Variants in CTIF observed in about 807,000 individuals in gnomAD.
CTIF encodes CBP80/20-dependent translation initiation factor.
CTIF carries 21 observed loss-of-function variants against 66.0 expected under a neutral mutation model. The ratio of observed to expected loss-of-function variants is 0.32; its 90% CI spans 0.23 to 0.46. The LOEUF is 0.46. Ranked by LOEUF, CTIF falls within the 20% of genes least tolerant of loss-of-function variation. The pLI is 1.00. For synonymous variants in CTIF, 345 were observed against 326.4 expected (o/e 1.06, Z -0.62); for missense variants, 739 against 812.7 (o/e 0.91, Z 1.10).
At chr18:48,718,487 A>T (rs1045574550) in intron 7 of CTIF, among the ~76,000 whole-genome samples, 1 of 152,212 alleles carries the variant, frequency 6.6e-6, no homozygotes, top group East Asian at 1.9e-4. Flanking sequence ...AGGAGCATGT[A>T]TGAGGTTCCC....
intron 10 of CTIF, among the ~76,000 whole-genome samples, chr18:48,825,092 A>G (rs1459249423): frequency 6.6e-6 from 1 of 151,996 alleles, no homozygotes; most frequent in Admixed American, 6.5e-5. Flanking sequence ...GTCTCTTTGG[A>G]GTCCAGCAGC....
chr18:48,564,265 G>A (rs2089230567), intron 1 of CTIF, among the ~76,000 whole-genome samples: 1 of 152,168 alleles, frequency 6.6e-6, no homozygotes, highest in South Asian at 2.1e-4. Context: ...CGTGTTGCCT[G>A]CCACCTGGGT....
intron 7 of CTIF, among the ~76,000 whole-genome samples, chr18:48,743,092 T>C (rs1456876287): frequency 6.6e-6 from 1 of 152,272 alleles, no homozygotes. Flanking sequence ...GGCTGGTTCA[T>C]GAGGAACACG....
At chr18:48,573,852 C>T (rs2089473717) in intron 1 of CTIF, among the ~76,000 whole-genome samples, 1 of 152,240 alleles carries the variant, frequency 6.6e-6, no homozygotes, top group African/African-American at 2.4e-5. Flanking sequence ...GCAAGTATAT[C>T]TGAGGACATC....
At chr18:48,539,573 C>G (rs1482993280) in intron 1 of CTIF, 1 of 152,636 alleles carries the variant, frequency 6.6e-6, no homozygotes, top group Non-Finnish European at 1.5e-5. Flanking sequence ...CCATTCCCTG[C>G]CGGGTTCCCC....
At chr18:48,733,847 C>G (rs1015391334) in intron 7 of CTIF, among the ~76,000 whole-genome samples, 1 of 152,216 alleles carries the variant, frequency 6.6e-6, no homozygotes, top group Non-Finnish European at 1.5e-5. Context: ...GCCCTTCCCC[C>G]TGGAAATCAT....
intron 1 of CTIF, chr18:48,540,240 GT>G (rs1226881291): frequency 6.6e-6 from 1 of 152,162 alleles, no homozygotes; most frequent in Non-Finnish European, 1.5e-5. Flanking sequence ...GCGGAGAGGG[GT>G]TCACTTGACA....
chr18:48,806,432 C>T (rs1213084321), intron 9 of CTIF, among the ~76,000 whole-genome samples: 1 of 152,180 alleles, frequency 6.6e-6, no homozygotes, highest in African/African-American at 2.4e-5. Context: ...ATGGCAACAG[C>T]AGCCACCTCT....
At chr18:48,543,829 ATCT>A (rs1273541275) in intron 1 of CTIF, among the ~76,000 whole-genome samples, 15 of 152,340 alleles carry the variant, frequency 9.8e-5, no homozygotes, top group African/African-American at 3.1e-4. Flanking sequence ...AGAACTCTTT[ATCT>A]TCTTCTCTCC....
intron 1 of CTIF, among the ~76,000 whole-genome samples, chr18:48,574,491 G>T (rs867154182): frequency 5.9e-5 from 9 of 152,182 alleles, no homozygotes; most frequent in Non-Finnish European, 1.2e-4. Context: ...GTTTTAGGGG[G>T]TAGAGAGTGG....
intron 6 of CTIF, among the ~76,000 whole-genome samples, chr18:48,686,567 A>T (rs1217045934): frequency 1.3e-5 from 2 of 152,104 alleles, no homozygotes; most frequent in Non-Finnish European, 2.9e-5. Flanking sequence ...TCATTCCTTG[A>T]GTGCCTGGGT....
chr18:48,824,013 C>CACACACACAG (rs139376550), intron 10 of CTIF, among the ~76,000 whole-genome samples: 13,071 of 146,648 alleles, frequency 0.089, 770 homozygotes, highest in Middle Eastern at 0.12. Context: ...CACACACACA[C>CACACACACAG]AAACTGCTAG....
chr18:48,767,418 A>G (rs893215632), intron 9 of CTIF, among the ~76,000 whole-genome samples: 1 of 152,158 alleles, frequency 6.6e-6, no homozygotes, highest in African/African-American at 2.4e-5. Flanking sequence ...CTTTGCTGAG[A>G]CAGGCTTGGG....
intron 1 of CTIF, among the ~76,000 whole-genome samples, chr18:48,614,709 T>C (rs1409560384): frequency 8.5e-5 from 13 of 152,156 alleles, no homozygotes. Flanking sequence ...CATTGTTTAG[T>C]GGGCACAGAG....
rs554470999 is a variant in CTIF at position 48,610,284 on chromosome 18, T to A, written c.-28-9254T>A. ...GCCAAGGGAGCAGGTGGGTGGTCAG[T>A]GCTGGAGCCCAGTGGAGGCTTCTAT... On this transcript the variant is annotated intron_variant, in intron 1 of 11. Coordinates refer to ENST00000256413, the MANE Select transcript of CTIF (RefSeq NM_014772.3). Among the ~76,000 whole-genome samples the A allele has an allele frequency of 9.4e-4, 143 of 152,252 alleles. 1 individual carries two copies. Among genetic ancestry groups the A allele is most frequent in the African/African-American group, 3.2e-3 (133 of 41,548 alleles).
Position 48,761,798 on chromosome 18 carries a change from A to G in CTIF, c.1371+109A>G. The stretch of plus-strand genomic sequence containing the variant: ...TCTGGCCACAGTTGGACTTTTCCCA[A>G]GTTCCGCCCTTGCCCGATTAATTAT... On this transcript the variant is annotated intron_variant, in intron 9 of 11. Coordinates refer to ENST00000256413, the MANE Select transcript of CTIF (RefSeq NM_014772.3). This position sits in a 1 kb window ranked among gnomAD's most constrained non-coding sequence, Gnocchi z 4.2. 2 of 1,097,724 alleles carry G rather than the reference A, an allele frequency of 1.8e-6. No individual in the cohort carries two copies. The highest frequency in any genetic ancestry group is 2.5e-5 in the Admixed American group (1 of 39,666). 68.0% of individuals were successfully genotyped at this position (1,097,724 alleles called of 1,614,324 possible). A position where few individuals can be genotyped will look rare whatever the true frequency, so the allele number is the denominator to read the frequency against.
At chr18:48,724,715 C>T (rs2092371119) in intron 7 of CTIF, among the ~76,000 whole-genome samples, 1 of 152,230 alleles carries the variant, frequency 6.6e-6, no homozygotes, top group Non-Finnish European at 1.5e-5. Flanking sequence ...GGTGCGGCCA[C>T]TGAGGGACTT....
intron 6 of CTIF, among the ~76,000 whole-genome samples, chr18:48,682,452 A>G (rs2091763184): frequency 6.6e-6 from 1 of 152,118 alleles, no homozygotes; most frequent in Admixed American, 6.5e-5. Flanking sequence ...ACTCTGGGAG[A>G]GGGGCCCAGT....
In CTIF at chr18:48,761,614, C is replaced by T. The variant is rs1272883333; in HGVS notation, c.1296C>T (p.Ala432=). The change falls in exon 9 of 12, where the codon GCC becomes GCT. Residue 432 remains alanine, a synonymous_variant. Coordinates refer to ENST00000256413, the MANE Select transcript of CTIF (RefSeq NM_014772.3). The surrounding 1 kb of genome is among the most constrained non-coding windows in gnomAD (Gnocchi z 4.2). The part of the protein sequence containing the change: ...VSDRSFAFTA[A]KLCDKMALFM... ...ACCGCAGCTTCGCCTTCACCGCTGC[C>T]AAGCTCTGCGACAAGATGGCGCTCT... 6.2e-7 allele frequency: 1 copy of T among 1,614,208 alleles called. No individual in the cohort carries two copies. The highest frequency in any genetic ancestry group is 1.7e-5 in the Admixed American group (1 of 60,034).
Sources: gnomAD v4.1 joint callset for allele counts (sites outside exome capture counted in the v4.1 genomes callset) on GRCh38, gnomAD v4.1.1 for gene constraint, Gnocchi (gnomAD v3.1) non-coding constraint, MANE v1.5 for transcripts, NCBI Gene and HGNC (gene_info 2026-07-23, HGNC 2026-07-21) for gene names.